The following SLC30A6 variants were observed in gnomAD, a reference collection of about 807,000 sequenced individuals.
SLC30A6 encodes the protein zinc transporter 6.
SLC30A6 carries 55 observed loss-of-function variants against 63.0 expected under a neutral mutation model. The ratio of observed to expected loss-of-function variants is 0.87; its 90% CI spans 0.70 to 1.09. SLC30A6 has a LOEUF of 1.09. Among genes scored for constraint, SLC30A6 ranks in the 50% least tolerant of loss-of-function variants. The pLI is 0.00. For missense variants in SLC30A6, 587 were observed against 549.2 expected (o/e 1.07, Z -0.69); for synonymous variants, 224 against 186.1 (o/e 1.20, Z -1.66).
At chr2:32,183,914 A>G (rs1217642317) in intron 4 of SLC30A6, among the ~76,000 whole-genome samples, 1 of 152,182 alleles carries the variant, frequency 6.6e-6, no homozygotes, top group East Asian at 1.9e-4. Context: ...CAAAGTTAAA[A>G]TTGATCATAT....
At chr2:32,167,093 G>A (rs764524537) in intron 1 of SLC30A6, among the ~76,000 whole-genome samples, 19 of 151,288 alleles carry the variant, frequency 1.3e-4, no homozygotes, top group Non-Finnish European at 1.8e-4. Context: ...TGTTGTTTTC[G>A]AGACGGAGTT....
At chr2:32,212,798 A>G (rs1327202482) in intron 13 of SLC30A6, among the ~76,000 whole-genome samples, 1 of 149,702 alleles carries the variant, frequency 6.7e-6, no homozygotes, top group African/African-American at 2.5e-5. Context: ...GGGTTTCACC[A>G]TGTTGGCCAG....
chr2:32,182,244 A>G (rs151249250), intron 4 of SLC30A6, among the ~76,000 whole-genome samples: 209 of 152,262 alleles, frequency 1.4e-3, no homozygotes, highest in Non-Finnish European at 2.5e-3. Context: ...GCCTAATTGT[A>G]TATTTCTGAC....
intron 10 of SLC30A6, chr2:32,203,205 G>A (rs546719824): frequency 2.7e-6 from 3 of 1,125,808 alleles, no homozygotes; most frequent in Non-Finnish European, 2.7e-6. Flanking sequence ...TCCTCAGGAT[G>A]TTGAGTCTAT....
chr2:32,209,860 T>C (rs1163487823), intron 13 of SLC30A6, among the ~76,000 whole-genome samples: 1 of 152,158 alleles, frequency 6.6e-6, no homozygotes, highest in Non-Finnish European at 1.5e-5. Flanking sequence ...AACATGTTAA[T>C]GATAATAATA....
intron 13 of SLC30A6, among the ~76,000 whole-genome samples, chr2:32,218,678 T>G (rs1032408244): frequency 6.6e-6 from 1 of 152,130 alleles, no homozygotes; most frequent in Admixed American, 6.5e-5. Flanking sequence ...TGCCTCAGCC[T>G]CCTGAGTAGT....
At chr2:32,167,762 G>A (rs925240896) in intron 1 of SLC30A6, among the ~76,000 whole-genome samples, 3 of 152,184 alleles carry the variant, frequency 2.0e-5, no homozygotes. Flanking sequence ...GATTTGAAGG[G>A]AGTTGAAGAT....
At chr2:32,179,324 A>C (rs1468924303) in intron 4 of SLC30A6, among the ~76,000 whole-genome samples, 1 of 152,192 alleles carries the variant, frequency 6.6e-6, no homozygotes, top group African/African-American at 2.4e-5. Context: ...GTTAAAAATG[A>C]GTTGCATATG....
rs430759 is a variant in SLC30A6, at chr2:32,222,799, A to G, written c.*2086A>G. 96,420 of 152,088 alleles carry G rather than the reference A, an allele frequency of 0.63. 30,839 individuals are homozygous for G. Among genetic ancestry groups the G allele is most frequent in the African/African-American group, 0.68 (28,249 of 41,472 alleles). 9.4% of individuals were successfully genotyped at this position (152,088 alleles called of 1,614,324 possible). On this transcript the variant is annotated 3_prime_UTR_variant, in exon 14 of 14. Transcript: ENST00000282587. Reference sequence around the variant, plus strand: ...CTTCCTCCATTGATCTCAACTAAATATGAATTAGGGTCATGCATGAAATCT... The same window carrying G: ...CTTCCTCCATTGATCTCAACTAAATGTGAATTAGGGTCATGCATGAAATCT...
chr2:32,210,515 C>CAAAAAAAAAA (rs3040860), intron 13 of SLC30A6, among the ~76,000 whole-genome samples: 2 of 89,214 alleles, frequency 2.2e-5, no homozygotes, highest in African/African-American at 4.5e-5. Flanking sequence ...ACTCTGTCTC[C>CAAAAAAAAAA]AAAAAAAAAA....
At chr2:32,173,352 AT>A (rs1681407005) in intron 2 of SLC30A6, among the ~76,000 whole-genome samples, 1 of 151,352 alleles carries the variant, frequency 6.6e-6, no homozygotes, top group Non-Finnish European at 1.5e-5. Context: ...TACTTGGTTG[AT>A]GTTGAACAGC....
In SLC30A6 at chr2:32,223,865, TTTC is replaced by T. The variant is rs1051503162; in HGVS notation, c.*3158_*3160del. ...ACAAAAGAATGGGAAACATCTTCCC[TTTC>T]TTCTTTAATCTCTGAAGTCATGTTT... On this transcript the variant is annotated 3_prime_UTR_variant, in exon 14 of 14. Coordinates refer to ENST00000282587, the MANE Select transcript of SLC30A6 (RefSeq NM_017964.5). 1.3e-5 allele frequency: 2 copies of T among 152,188 alleles called. No individual in the cohort carries two copies. The highest frequency in any genetic ancestry group is 4.8e-5 in the African/African-American group (2 of 41,442). The allele number at this position is 152,188 out of a possible 1,614,324, so 9.4% of individuals were successfully genotyped here.
chr2:32,204,428 A>T (rs212762), intron 10 of SLC30A6, among the ~76,000 whole-genome samples, 162 bp from the exon 11 acceptor site: 78,804 of 152,012 alleles, frequency 0.52, 20,732 homozygotes, highest in African/African-American at 0.58. Flanking sequence ...AAACTGGAGT[A>T]TTTTTCTTTG....
At chr2:32,187,009 AAAAAAAG>A in intron 5 of SLC30A6, 5 of 358,060 alleles carry the variant, frequency 1.4e-5, no homozygotes, top group South Asian at 1.1e-4. Context: ...AAAAAAAAAA[AAAAAAAG>A]AAAGAAAAAG....
chr2:32,167,800 G>A (rs1052454594), intron 1 of SLC30A6, among the ~76,000 whole-genome samples: 2 of 152,086 alleles, frequency 1.3e-5, no homozygotes, highest in Admixed American at 1.3e-4. Flanking sequence ...AAAATTCAGA[G>A]GTCTTTCAGA....
At chr2:32,168,422 T>G (rs1047865948) in intron 1 of SLC30A6, among the ~76,000 whole-genome samples, 1 of 145,690 alleles carries the variant, frequency 6.9e-6, no homozygotes, top group African/African-American at 2.5e-5. Flanking sequence ...AAAATATAAA[T>G]AATATAAATA....
intron 1 of SLC30A6, 35 bp downstream of exon 1, chr2:32,165,938 A>G (rs1414268211): frequency 1.2e-6 from 2 of 1,614,120 alleles, no homozygotes; most frequent in Non-Finnish European, 1.7e-6. Flanking sequence ...TTTCGGCTGT[A>G]GCTGATTCGG....
At chr2:32,206,745 A>G (rs997618936) in intron 11 of SLC30A6, 141 bp from the exon 12 acceptor site, 1 of 609,876 alleles carries the variant, frequency 1.6e-6, no homozygotes, top group African/African-American at 1.9e-5. Context: ...GCCAGTTGAA[A>G]CCTCTCTTCT....
chr2:32,208,502 A>ACT (rs1431440678), intron 12 of SLC30A6, among the ~76,000 whole-genome samples: 4 of 150,236 alleles, frequency 2.7e-5, no homozygotes, highest in Admixed American at 2.7e-4. Flanking sequence ...CTGGTCTTGA[A>ACT]CTCCTGCTCT....
Sources: gnomAD v4.1 joint callset for allele counts (sites outside exome capture counted in the v4.1 genomes callset) on GRCh38, gnomAD v4.1.1 for gene constraint, MANE v1.5 for transcripts, NCBI Gene and HGNC (gene_info 2026-07-23, HGNC 2026-07-21) for gene names.